Variants in CTIF observed in about 807,000 individuals in gnomAD.
CTIF encodes CBP80/20-dependent translation initiation factor.
A neutral mutation model predicts 66.0 loss-of-function variants in CTIF; 21 were observed. That is an observed-to-expected ratio of 0.32 (90% CI 0.23 to 0.46). The LOEUF (loss-of-function observed/expected upper bound fraction) is 0.46, where lower values mean the gene tolerates loss of function less well. CTIF is among the 20% of genes least tolerant of loss of function. The pLI is 1.00. For missense variants in CTIF, 739 were observed against 812.7 expected, an observed-to-expected ratio of 0.91 and a Z score of 1.10; for synonymous variants, 345 against 326.4, an observed-to-expected ratio of 1.06 and a Z score of -0.62.
At chr18:48,636,493 G>C in intron 2 of CTIF, 121 bp from the exon 3 acceptor site, 1 of 627,524 alleles carries the variant, frequency 1.6e-6, no homozygotes, top group Middle Eastern at 2.7e-4. Flanking sequence ...CATTGAAATG[G>C]CCAAATAGGA....
intron 3 of CTIF, among the ~76,000 whole-genome samples, chr18:48,640,999 C>A (rs1396233588): frequency 6.6e-6 from 1 of 152,202 alleles, no homozygotes; most frequent in Non-Finnish European, 1.5e-5. Flanking sequence ...TGACCAGCTG[C>A]CGGCAACTGG....
chr18:48,717,330 G>A (rs1394951327), intron 7 of CTIF, among the ~76,000 whole-genome samples: 6 of 151,740 alleles, frequency 4.0e-5, no homozygotes, highest in Non-Finnish European at 7.4e-5. Context: ...CCTGGGAGGC[G>A]GAGGTTGCAG....
intron 5 of CTIF, 128 bp from the exon 6 acceptor site, chr18:48,670,541 C>A: frequency 1.3e-6 from 1 of 794,138 alleles, no homozygotes. Context: ...GGTGGGACAG[C>A]CCCTGCAGGG....
At chr18:48,675,147 A>G (rs2091605361) in intron 6 of CTIF, among the ~76,000 whole-genome samples, 1 of 33,076 alleles carries the variant, frequency 3.0e-5, no homozygotes, top group Admixed American at 3.9e-4. Flanking sequence ...TGTTGAAGCC[A>G]TAGGGCAGGC....
intron 6 of CTIF, among the ~76,000 whole-genome samples, chr18:48,693,143 T>C (rs2091956485): frequency 6.6e-6 from 1 of 151,956 alleles, no homozygotes; most frequent in Non-Finnish European, 1.5e-5. Context: ...AAGAGGGAAA[T>C]AAAAATGGAT....
chr18:48,791,351 G>T (rs979152003), intron 9 of CTIF, among the ~76,000 whole-genome samples: 3 of 152,248 alleles, frequency 2.0e-5, no homozygotes, highest in African/African-American at 7.2e-5. Flanking sequence ...CATTTTCATG[G>T]TTTCACTTCA....
At chr18:48,819,836 G>T (rs1386069574) in intron 10 of CTIF, among the ~76,000 whole-genome samples, 2 of 152,226 alleles carry the variant, frequency 1.3e-5, no homozygotes, top group African/African-American at 4.8e-5. Context: ...ACTGCACCAC[G>T]TTGGGAAGCA....
At chr18:48,752,747 G>A (rs1198125787) in intron 7 of CTIF, among the ~76,000 whole-genome samples, 6 of 152,208 alleles carry the variant, frequency 3.9e-5, no homozygotes, top group Admixed American at 3.9e-4. Flanking sequence ...CTGGCAAGGA[G>A]TGTCCTGCGG....
In CTIF at chr18:48,799,875, G is replaced by T. The variant is rs994271247; in HGVS notation, c.1372-17346G>T. Among the ~76,000 whole-genome samples the T allele has an allele frequency of 1.7e-4, 26 of 152,372 alleles. No homozygotes were observed. In the East Asian group the frequency reaches 4.6e-3, roughly 27 times the overall value. ...TCTGCCCTTGCAGAACTTGCAATCC[G>T]AGTGGGAGAGGCAATCACTGAACGC... On this transcript the variant is annotated intron_variant, in intron 9 of 11. Transcript: ENST00000256413.
At chr18:48,718,247 T>G (rs2092300116) in intron 7 of CTIF, among the ~76,000 whole-genome samples, 1 of 152,244 alleles carries the variant, frequency 6.6e-6, no homozygotes, top group Admixed American at 6.5e-5. Flanking sequence ...TTTTGAAAAT[T>G]AGACTGTGTA....
Position 48,663,843 on chromosome 18 carries a change from C to T in CTIF, c.326+18C>T, listed in dbSNP as rs1454176445. 1.9e-6 allele frequency: 3 copies of T among 1,612,590 alleles called. No individual in the cohort carries two copies. The highest frequency in any genetic ancestry group is 1.7e-5 in the Admixed American group (1 of 60,022). ...TCCTTCAGGTAACCTCCTCCTCCCT[C>T]CTTCCCTGTGGTGTGAGGTCCAGCC... On this transcript the variant is annotated intron_variant, in intron 4 of 11. Coordinates refer to ENST00000256413, the MANE Select transcript of CTIF (RefSeq NM_014772.3).
At chr18:48,592,325 G>A (rs2089902626) in intron 1 of CTIF, among the ~76,000 whole-genome samples, 1 of 151,924 alleles carries the variant, frequency 6.6e-6, no homozygotes, top group South Asian at 2.1e-4. Context: ...CCAACATGGA[G>A]AAACCTACTA....
intron 3 of CTIF, chr18:48,662,682 A>T (rs1160664935): frequency 1.3e-5 from 2 of 151,532 alleles, no homozygotes; most frequent in Non-Finnish European, 2.9e-5. Context: ...TGGAAGAGAG[A>T]TTGGTTTCCT....
intron 5 of CTIF, among the ~76,000 whole-genome samples, chr18:48,665,245 C>T (rs117656402): frequency 4.9e-4 from 74 of 152,316 alleles, no homozygotes; most frequent in East Asian, 1.5e-3. Flanking sequence ...AGTTCCCCAG[C>T]GGGTGCTGAT....
intron 9 of CTIF, among the ~76,000 whole-genome samples, chr18:48,782,541 C>T (rs547302847): frequency 1.1e-4 from 16 of 152,182 alleles, no homozygotes; most frequent in East Asian, 3.8e-4. Flanking sequence ...CTATTTAAAG[C>T]GTGCAGCGCC....
At chr18:48,735,096 C>T (rs992585589) in intron 7 of CTIF, among the ~76,000 whole-genome samples, 51 of 149,854 alleles carry the variant, frequency 3.4e-4, no homozygotes, top group South Asian at 1.9e-3. Flanking sequence ...AGTTTGTGTG[C>T]GTGTGTGTGT....
chr18:48,753,336 A>G lies in CTIF; in HGVS notation c.585-4583A>G, dbSNP rs2145832703. Among the ~76,000 whole-genome samples the G allele has an allele frequency of 4.6e-5, 7 of 152,338 alleles. No homozygotes were observed. In the Middle Eastern group the frequency reaches 0.024, roughly 518 times the overall value. On this transcript the variant is annotated intron_variant, in intron 7 of 11. Transcript: ENST00000256413. ...TGGCACTCAGAATATCTAGTTGGGA[A>G]CGATTATGAAATAAAAAACGAACAG...
At chr18:48,550,135 T>C (rs2088848430) in intron 1 of CTIF, among the ~76,000 whole-genome samples, 1 of 152,212 alleles carries the variant, frequency 6.6e-6, no homozygotes, top group Non-Finnish European at 1.5e-5. Flanking sequence ...GATGCCTTTT[T>C]TGTGGTCCCA....
At chr18:48,854,586 G>GTCCA (rs1284172444) in intron 10 of CTIF, among the ~76,000 whole-genome samples, 1 of 152,030 alleles carries the variant, frequency 6.6e-6, no homozygotes, top group Non-Finnish European at 1.5e-5. Flanking sequence ...GTCCCTCAAT[G>GTCCA]TCCACCCTTC....
Sources: allele counts gnomAD v4.1 joint callset (sites outside exome capture counted in the v4.1 genomes callset), GRCh38; gene constraint gnomAD v4.1.1; transcripts MANE v1.5; gene names NCBI Gene and HGNC (gene_info 2026-07-23, HGNC 2026-07-21).